The following DRC11 variants were observed in gnomAD, a reference collection of about 807,000 sequenced individuals.
DRC11 encodes the protein IQ and AAA domain-containing protein 1.
At chr2:236,343,974 T>C in the DRC11 span, among the ~76,000 whole-genome samples, 1 of 152,154 alleles carries the variant, frequency 6.6e-6, no homozygotes, top group Non-Finnish European at 1.5e-5. The surrounding 1 kb of genome is among the most constrained non-coding windows in gnomAD (Gnocchi z 6.6). Flanking sequence ...TAACCACTAT[T>C]TGCTTTGGTG....
the DRC11 span, among the ~76,000 whole-genome samples, chr2:236,411,197 C>A: frequency 6.6e-6 from 1 of 151,992 alleles, no homozygotes; most frequent in Non-Finnish European, 1.5e-5. Context: ...AACAAATTTA[C>A]AAGAAAAAAC....
chr2:236,491,237 ATATACACAG>A, the DRC11 span, among the ~76,000 whole-genome samples: 30 of 69,904 alleles, frequency 4.3e-4, 1 homozygote, highest in African/African-American at 1.9e-3. Context: ...ATATATATAT[ATATACACAG>A]TATATATATA....
chr2:236,450,385 T>A, the DRC11 span, among the ~76,000 whole-genome samples: 1 of 139,464 alleles, frequency 7.2e-6, no homozygotes, highest in Admixed American at 7.5e-5. Flanking sequence ...AGTGGCGCAA[T>A]CTCGGCTCAC....
the DRC11 span, among the ~76,000 whole-genome samples, chr2:236,342,119 G>C: frequency 6.6e-6 from 1 of 152,160 alleles, no homozygotes; most frequent in South Asian, 2.1e-4. The surrounding 1 kb of genome is among the most constrained non-coding windows in gnomAD (Gnocchi z 5.8). Context: ...GGGGCCGGAG[G>C]GTGCATTCAG....
At chr2:236,370,743 T>C in the DRC11 span, among the ~76,000 whole-genome samples, 1 of 134,884 alleles carries the variant, frequency 7.4e-6, no homozygotes, top group Non-Finnish European at 1.5e-5. This position sits in a 1 kb window ranked among gnomAD's most constrained non-coding sequence, Gnocchi z 5.5. Context: ...TGCTTGCTGC[T>C]GGGCACAGGG....
At chr2:236,349,996 A>G in the DRC11 span, among the ~76,000 whole-genome samples, 6 of 152,290 alleles carry the variant, frequency 3.9e-5, no homozygotes, top group South Asian at 2.1e-4. This position sits in a 1 kb window ranked among gnomAD's most constrained non-coding sequence, Gnocchi z 5.5. Context: ...CATAGTGCCT[A>G]TTGGGGCCTC....
chr2:236,332,107 G>A, the DRC11 span: 2 of 161,756 alleles, frequency 1.2e-5, no homozygotes, highest in African/African-American at 4.8e-5. The surrounding 1 kb of genome is among the most constrained non-coding windows in gnomAD (Gnocchi z 5.1). Flanking sequence ...CCCTTTCAGT[G>A]GAAGACACTG....
the DRC11 span, among the ~76,000 whole-genome samples, chr2:236,357,154 G>GTATTCATATATATCTATATATTATA: frequency 1.4e-5 from 1 of 72,444 alleles, no homozygotes; most frequent in Non-Finnish European, 2.3e-5. Flanking sequence ...TATATATTAT[G>GTATTCATATATATCTATATATTATA]TATTCATATA....
chr2:236,358,122 GAA>G, the DRC11 span, among the ~76,000 whole-genome samples: 2 of 115,284 alleles, frequency 1.7e-5, no homozygotes, highest in Non-Finnish European at 3.3e-5. Flanking sequence ...TACACTATAT[GAA>G]TATATATTTA....
the DRC11 span, among the ~76,000 whole-genome samples, chr2:236,315,328 G>A: frequency 2.6e-5 from 4 of 152,220 alleles, no homozygotes; most frequent in African/African-American, 4.8e-5. The surrounding 1 kb of genome is among the most constrained non-coding windows in gnomAD (Gnocchi z 5.1). Flanking sequence ...AGGTAAACTC[G>A]CAGATATAAA....
the DRC11 span, chr2:236,368,867 G>A: frequency 6.6e-6 from 1 of 152,508 alleles, no homozygotes; most frequent in Non-Finnish European, 1.5e-5. Flanking sequence ...ATTTTTAAGA[G>A]AGTACCAAAG....
At chr2:236,357,649 T>C in the DRC11 span, among the ~76,000 whole-genome samples, 1 of 126,222 alleles carries the variant, frequency 7.9e-6, no homozygotes, top group East Asian at 2.3e-4. Flanking sequence ...TGTAAATATA[T>C]AAATTATATT....
chr2:236,446,813 A>T, the DRC11 span, among the ~76,000 whole-genome samples: 1 of 152,174 alleles, frequency 6.6e-6, no homozygotes, highest in Non-Finnish European at 1.5e-5. The surrounding 1 kb of genome is among the most constrained non-coding windows in gnomAD (Gnocchi z 6.2). Flanking sequence ...CTGTCTGCCC[A>T]TGTGTCCCAG....
the DRC11 span, among the ~76,000 whole-genome samples, chr2:236,488,523 G>A: frequency 6.6e-6 from 1 of 152,116 alleles, no homozygotes; most frequent in East Asian, 1.9e-4. Flanking sequence ...ACTTGAAATT[G>A]CTATCAATAT....
At chr2:236,477,866 T>C in the DRC11 span, among the ~76,000 whole-genome samples, 7 of 152,156 alleles carry the variant, frequency 4.6e-5, no homozygotes, top group Admixed American at 2.0e-4. Context: ...TATATTTCTG[T>C]GGTATCGTTG....
At chr2:236,503,981 ACT>A in the DRC11 span, among the ~76,000 whole-genome samples, 2 of 152,064 alleles carry the variant, frequency 1.3e-5, no homozygotes, top group African/African-American at 4.8e-5. The surrounding 1 kb of genome is among the most constrained non-coding windows in gnomAD (Gnocchi z 4.9). Context: ...CATAGAATTC[ACT>A]CTTTTCAAGT....
At chr2:236,367,105 C>T in the DRC11 span, among the ~76,000 whole-genome samples, 1 of 150,756 alleles carries the variant, frequency 6.6e-6, no homozygotes, top group African/African-American at 2.4e-5. The surrounding 1 kb of genome is among the most constrained non-coding windows in gnomAD (Gnocchi z 4.8). Context: ...CATGCGTGAG[C>T]CACTATGCCT....
the DRC11 span, among the ~76,000 whole-genome samples, chr2:236,336,354 G>A: frequency 3.9e-5 from 6 of 152,054 alleles, no homozygotes; most frequent in African/African-American, 1.4e-4. The surrounding 1 kb of genome is among the most constrained non-coding windows in gnomAD (Gnocchi z 7.3). Flanking sequence ...TCACGTGATT[G>A]GAGAAGGAAG....
chr2:236,354,317 ATGTG>A, the DRC11 span, among the ~76,000 whole-genome samples: 15 of 149,082 alleles, frequency 1.0e-4, no homozygotes, highest in South Asian at 2.1e-4. Context: ...ATGTGTGTGC[ATGTG>A]TGTGAGTGTA....
Sources: gnomAD v4.1 joint callset for allele counts (sites outside exome capture counted in the v4.1 genomes callset) on GRCh38, gnomAD v4.1.1 for gene constraint, Gnocchi (gnomAD v3.1) non-coding constraint, MANE v1.5 for transcripts, NCBI Gene and HGNC (gene_info 2026-07-23, HGNC 2026-07-21) for gene names.